MTF1: variants seen among roughly 807,000 people sequenced by gnomAD.
MTF1 encodes MRE-binding transcription factor.
MTF1 carries 22 observed loss-of-function variants against 70.4 expected under a neutral mutation model. That is an observed-to-expected ratio of 0.31 (90% confidence interval 0.22 to 0.45). The LOEUF is 0.45. MTF1 is among the 20% of genes least tolerant of loss of function. The pLI is 1.00. For synonymous variants in MTF1, 333 were observed against 352.8 expected (o/e 0.94, Z 0.63); for missense variants, 649 against 922.0 (o/e 0.70, Z 3.83).
At chr1:37,834,095 T>G (rs1237120836) in intron 6 of MTF1, among the ~76,000 whole-genome samples, 1 of 151,964 alleles carries the variant, frequency 6.6e-6, no homozygotes, top group African/African-American at 2.4e-5. Context: ...GGTGTGGTGG[T>G]GCATGCCTGT....
Position 37,857,692 on chromosome 1 carries a change from G to A in MTF1, c.-34C>T. The A allele has an allele frequency of 1.2e-6, 2 of 1,600,170 alleles. No individual in the cohort carries two copies. Among genetic ancestry groups the A allele is most frequent in the Non-Finnish European group, 1.7e-6 (2 of 1,171,606 alleles). On this transcript the variant is annotated 5_prime_UTR_variant, in exon 2 of 11. Coordinates refer to ENST00000373036, the MANE Select transcript of MTF1 (RefSeq NM_005955.3). ...TGTGCTCAGCCCAGTTGTGAGAAATGAAAACGTAATGACTTGTCTGCAACA... is the reference window on the plus strand; with the variant it reads ...TGTGCTCAGCCCAGTTGTGAGAAATAAAAACGTAATGACTTGTCTGCAACA...
intron 4 of MTF1, among the ~76,000 whole-genome samples, chr1:37,837,933 C>G (rs1381767523): frequency 1.3e-5 from 2 of 152,124 alleles, no homozygotes; most frequent in African/African-American, 4.8e-5. Context: ...TTTTGAATAC[C>G]TGTTGAATGC....
chr1:37,849,783 A>C (rs1439718578), intron 2 of MTF1, among the ~76,000 whole-genome samples: 1 of 152,172 alleles, frequency 6.6e-6, no homozygotes, highest in East Asian at 1.9e-4. Context: ...GCAGCTCAGG[A>C]GGCTAAGGAG....
intron 9 of MTF1, 57 bp downstream of exon 9, chr1:37,822,064 A>G: frequency 2.2e-6 from 3 of 1,369,834 alleles, no homozygotes; most frequent in Non-Finnish European, 3.0e-6. Flanking sequence ...GCTTCTGAAC[A>G]TGTCACCTAT....
intron 3 of MTF1, among the ~76,000 whole-genome samples, chr1:37,839,236 A>G (rs1049931007): frequency 6.6e-6 from 1 of 152,188 alleles, no homozygotes; most frequent in African/African-American, 2.4e-5. Flanking sequence ...CGCAGAGAAT[A>G]GCACAGTGGT....
chr1:37,813,653 G>A lies in MTF1; in HGVS notation c.*1483C>T, dbSNP rs1233268499. On this transcript the variant is annotated 3_prime_UTR_variant, in exon 11 of 11. Coordinates refer to ENST00000373036, the MANE Select transcript of MTF1 (RefSeq NM_005955.3). Reference sequence around the variant, plus strand: ...CCACTCCTTGCTCAGGGCAAGGAAAGGGCTCTTGGGAGGCAGAGGCCTATT... The same window carrying A: ...CCACTCCTTGCTCAGGGCAAGGAAAAGGCTCTTGGGAGGCAGAGGCCTATT... 6.6e-6 allele frequency: 1 copy of A among 152,292 alleles called. No homozygotes were observed. Among genetic ancestry groups the A allele is most frequent in the Admixed American group, 6.5e-5 (1 of 15,292 alleles). 9.4% of individuals were successfully genotyped at this position (152,292 alleles called of 1,614,324 possible).
chr1:37,823,828 A>C lies in MTF1; in HGVS notation c.1069-16T>G. On this transcript the variant is annotated splice_polypyrimidine_tract_variant and intron_variant, in intron 7 of 10. Transcript: ENST00000373036. ...GGCCCTGGGTCTGATGGAGAGAGAC[A>C]AAGATGTGAGATTGGCCATCTTGAG... 1 of 1,593,952 alleles carries C rather than the reference A, an allele frequency of 6.3e-7. No individual in the cohort carries two copies. The highest frequency in any genetic ancestry group is 1.7e-5 in the Admixed American group (1 of 59,842).
At chr1:37,841,284 T>A (rs941735644) in intron 2 of MTF1, 21 of 154,528 alleles carry the variant, frequency 1.4e-4, no homozygotes, top group Non-Finnish European at 4.3e-5. Context: ...CTCTCCACTG[T>A]TCCTGTTTGG....
rs1640753504 is a variant in MTF1, at chr1:37,812,602, A to G, written c.*2534T>C. Reference sequence around the variant, plus strand: ...CCTGGGTAGGGCCCAACATGAGCACAGCCCTGGCTAACCAAGAAGAGTCGC... The same window carrying G: ...CCTGGGTAGGGCCCAACATGAGCACGGCCCTGGCTAACCAAGAAGAGTCGC... On this transcript the variant is annotated 3_prime_UTR_variant, in exon 11 of 11. Transcript: ENST00000373036. The G allele has an allele frequency of 1.3e-5, 2 of 152,388 alleles. No homozygotes were observed. The highest frequency in any genetic ancestry group is 4.1e-4 in the South Asian group (2 of 4,832). The allele number at this position is 152,388 out of a possible 1,614,324, so 9.4% of individuals were successfully genotyped here.
chr1:37,827,378 G>T (rs1641018979), intron 7 of MTF1, among the ~76,000 whole-genome samples: 1 of 141,768 alleles, frequency 7.1e-6, no homozygotes, highest in African/African-American at 2.7e-5. Context: ...TATTATTTGA[G>T]ACAGAGTCTC....
intron 2 of MTF1, among the ~76,000 whole-genome samples, chr1:37,843,528 T>G (rs1264852788): frequency 1.3e-5 from 2 of 152,140 alleles, no homozygotes; most frequent in Non-Finnish European, 2.9e-5. Context: ...TGTAAAGGGC[T>G]AAACAAAAAA....
intron 6 of MTF1, among the ~76,000 whole-genome samples, chr1:37,832,528 T>C (rs541034965): frequency 1.3e-5 from 2 of 152,340 alleles, no homozygotes; most frequent in Admixed American, 6.5e-5. Flanking sequence ...ATGTGCACAA[T>C]GTGCAGGTTT....
At chr1:37,849,896 C>T (rs1028211083) in intron 2 of MTF1, among the ~76,000 whole-genome samples, 1 of 152,070 alleles carries the variant, frequency 6.6e-6, no homozygotes, top group African/African-American at 2.4e-5. Flanking sequence ...AAATAAAATA[C>T]GTAAACAAAC....
At chr1:37,852,942 T>C (rs902879023) in intron 2 of MTF1, among the ~76,000 whole-genome samples, 2 of 152,222 alleles carry the variant, frequency 1.3e-5, no homozygotes, top group African/African-American at 4.8e-5. Context: ...ATTCAAAACC[T>C]TTGAATCATG....
At chr1:37,839,878 G>A (rs1179406557) in intron 3 of MTF1, 42 bp downstream of exon 3, 3 of 1,510,068 alleles carry the variant, frequency 2.0e-6, no homozygotes, top group East Asian at 2.3e-5. Context: ...TCACAACAAG[G>A]TCAAGGTCAG....
At chr1:37,833,274 G>C (rs970971270) in intron 6 of MTF1, among the ~76,000 whole-genome samples, 14 of 152,204 alleles carry the variant, frequency 9.2e-5, no homozygotes, top group Middle Eastern at 3.4e-3. Context: ...TCAGACAGTA[G>C]GAATCAAGTG....
At chr1:37,819,319 T>A (rs1640873673) in intron 9 of MTF1, among the ~76,000 whole-genome samples, 1 of 152,060 alleles carries the variant, frequency 6.6e-6, no homozygotes, top group African/African-American at 2.4e-5. Flanking sequence ...TGGTGAACAT[T>A]CAGTAAACAT....
intron 9 of MTF1, 76 bp downstream of exon 9, chr1:37,822,045 G>T: frequency 8.2e-7 from 1 of 1,220,840 alleles, no homozygotes; most frequent in Non-Finnish European, 1.1e-6. Context: ...TTTTCTTTTT[G>T]AAGTAAAAGC....
chr1:37,825,244 T>C (rs1306864433), intron 7 of MTF1, among the ~76,000 whole-genome samples: 1 of 151,946 alleles, frequency 6.6e-6, no homozygotes, highest in Non-Finnish European at 1.5e-5. Flanking sequence ...TTTGACTTTC[T>C]TTTTTTTGAG....
Sources: allele counts gnomAD v4.1 joint callset (sites outside exome capture counted in the v4.1 genomes callset), GRCh38; gene constraint gnomAD v4.1.1; transcripts MANE v1.5; gene names NCBI Gene and HGNC (gene_info 2026-07-23, HGNC 2026-07-21).